DNM3: variants seen among roughly 807,000 people sequenced by gnomAD.
DNM3 encodes dynamin 3.
Under a neutral mutation model 101.6 loss-of-function variants are expected in DNM3, and 47 were observed. The observed-to-expected ratio is 0.46, with a 90% confidence interval of 0.37 to 0.59. The LOEUF is 0.59. Ranked by LOEUF, DNM3 falls within the 20% of genes least tolerant of loss-of-function variation. The pLI is 0.00. For synonymous variants in DNM3, 385 were observed against 387.9 expected (o/e 0.99, Z 0.09); for missense variants, 849 against 1,085.7 (o/e 0.78, Z 3.06).
At chr1:172,186,346 A>T (rs2059523406) in intron 14 of DNM3, among the ~76,000 whole-genome samples, 1 of 151,924 alleles carries the variant, frequency 6.6e-6, no homozygotes, top group Non-Finnish European at 1.5e-5. Flanking sequence ...AGGGTTTGGG[A>T]ATGTGGACTT....
At chr1:172,042,603 C>T (rs2049467389) in intron 8 of DNM3, among the ~76,000 whole-genome samples, 1 of 152,100 alleles carries the variant, frequency 6.6e-6, no homozygotes, top group Admixed American at 6.6e-5. Context: ...TCTGTCTGAG[C>T]AGGAGACATT....
Position 171,995,765 on chromosome 1 carries a change from G to A in DNM3, c.589+6617G>A, listed in dbSNP as rs138715143. 1.4e-4 allele frequency among the ~76,000 whole-genome samples: 22 copies of A among 152,188 alleles called. No homozygotes were observed. The East Asian group carries it at 4.2e-3, about 29-fold the overall frequency. ...TAATGTACATCTTTCCTGATATTTTGCCCTTGGCTAAGCAGGATGACCTAT... is the reference window on the plus strand; with the variant it reads ...TAATGTACATCTTTCCTGATATTTTACCCTTGGCTAAGCAGGATGACCTAT... On this transcript the variant is annotated intron_variant, in intron 4 of 20. Coordinates refer to ENST00000627582, the MANE Select transcript of DNM3 (RefSeq NM_015569.5).
At chr1:171,944,480 A>G (rs1342754068) in intron 2 of DNM3, among the ~76,000 whole-genome samples, 1 of 151,704 alleles carries the variant, frequency 6.6e-6, no homozygotes, top group Non-Finnish European at 1.5e-5. Flanking sequence ...GGCTCAAGCT[A>G]TCCTCCCACT....
At chr1:172,368,356 C>T (rs2068138630) in intron 17 of DNM3, among the ~76,000 whole-genome samples, 1 of 151,774 alleles carries the variant, frequency 6.6e-6, no homozygotes, top group South Asian at 2.1e-4. Flanking sequence ...GTAAATTAAA[C>T]AACATGCTCC....
intron 17 of DNM3, among the ~76,000 whole-genome samples, chr1:172,341,503 C>A (rs1243549642): frequency 1.3e-5 from 2 of 152,144 alleles, no homozygotes; most frequent in Non-Finnish European, 2.9e-5. Context: ...GGGCTACAGT[C>A]ATCAAAACGG....
At chr1:172,285,890 A>G (rs969905337) in intron 15 of DNM3, among the ~76,000 whole-genome samples, 3 of 152,100 alleles carry the variant, frequency 2.0e-5, no homozygotes, top group African/African-American at 7.2e-5. Context: ...TAGAGCTCGC[A>G]TCTAACTCCC....
At chr1:172,054,536 G>A (rs1175000388) in intron 10 of DNM3, among the ~76,000 whole-genome samples, 1 of 151,744 alleles carries the variant, frequency 6.6e-6, no homozygotes, top group African/African-American at 2.4e-5. Flanking sequence ...TTTAGCAACT[G>A]TGCCATTTAC....
chr1:172,104,306 C>A (rs977570450), intron 13 of DNM3, among the ~76,000 whole-genome samples: 4 of 151,706 alleles, frequency 2.6e-5, no homozygotes, highest in African/African-American at 9.7e-5. Flanking sequence ...CTTATATTTT[C>A]TTCCAATATT....
chr1:172,269,171 CA>C (rs1346068904), intron 15 of DNM3, among the ~76,000 whole-genome samples: 2 of 152,150 alleles, frequency 1.3e-5, no homozygotes, highest in African/African-American at 4.8e-5. Context: ...GGTTTCTGTC[CA>C]AAGACTGTGT....
At chr1:172,234,505 A>C (rs1223698870) in intron 14 of DNM3, among the ~76,000 whole-genome samples, 1 of 152,130 alleles carries the variant, frequency 6.6e-6, no homozygotes, top group Non-Finnish European at 1.5e-5. Flanking sequence ...GCTACCAATG[A>C]CTTTCTTCAC....
At position 172,044,408 on chromosome 1, in the gene DNM3, G is replaced by A. The variant is rs1378922783; in HGVS notation, c.1152G>A (p.Leu384=). 6.2e-7 allele frequency: 1 copy of A among 1,608,512 alleles called. No homozygotes were observed. The highest frequency in any genetic ancestry group is 1.7e-5 in the Admixed American group (1 of 59,414). Residue 384 remains leucine (L), a synonymous_variant, in exon 9 of 21, where the codon TTG becomes TTA. Coordinates refer to ENST00000627582, the MANE Select transcript of DNM3 (RefSeq NM_015569.5). ...AGATGGAGTTCAATGAGAAAGAATT[G>A]CGAAGAGAAATAAGCTATGCAATCA... The part of the protein sequence containing the change: ...IVKMEFNEKE[L]RREISYAIKN...
intron 1 of DNM3, among the ~76,000 whole-genome samples, chr1:171,873,370 C>T (rs1047094204): frequency 1.3e-4 from 20 of 152,076 alleles, no homozygotes; most frequent in Middle Eastern, 3.2e-3. Flanking sequence ...TTATTGAACA[C>T]CTACTGTGTG....
intron 2 of DNM3, among the ~76,000 whole-genome samples, chr1:171,983,243 C>T (rs140827860): frequency 3.3e-5 from 5 of 151,986 alleles, no homozygotes; most frequent in African/African-American, 9.7e-5. Flanking sequence ...TCACTTGAGG[C>T]CAAGAGGTCG....
intron 14 of DNM3, among the ~76,000 whole-genome samples, chr1:172,211,579 A>G (rs552861860): frequency 6.6e-6 from 1 of 152,256 alleles, no homozygotes; most frequent in East Asian, 1.9e-4. Flanking sequence ...TGCTTTTCTT[A>G]TGTTTTATTA....
chr1:172,125,194 T>A (rs2056555100), intron 13 of DNM3, among the ~76,000 whole-genome samples: 1 of 152,128 alleles, frequency 6.6e-6, no homozygotes. Flanking sequence ...GCATGGATTA[T>A]AACCTTTATC....
chr1:172,081,588 A>G (rs2053153458), intron 11 of DNM3, among the ~76,000 whole-genome samples: 1 of 152,200 alleles, frequency 6.6e-6, no homozygotes, highest in Admixed American at 6.5e-5. Context: ...GTGTATGCTT[A>G]TAAGTTATAA....
chr1:172,065,711 AGACGCTGGTGAT>A (rs1466456280), intron 10 of DNM3, among the ~76,000 whole-genome samples: 1 of 152,142 alleles, frequency 6.6e-6, no homozygotes, highest in Non-Finnish European at 1.5e-5. Flanking sequence ...GACCTCATGG[AGACGCTGGTGAT>A]GATTTTTGTG....
intron 1 of DNM3, among the ~76,000 whole-genome samples, chr1:171,868,313 A>G (rs981731562): frequency 6.6e-6 from 1 of 151,958 alleles, no homozygotes; most frequent in Non-Finnish European, 1.5e-5. Context: ...GAGGGTGACA[A>G]GAGGTGTCCT....
chr1:171,965,845 G>T (rs1302305209), intron 2 of DNM3, among the ~76,000 whole-genome samples: 1 of 152,192 alleles, frequency 6.6e-6, no homozygotes, highest in Non-Finnish European at 1.5e-5. Flanking sequence ...AGATTAGGGG[G>T]TAGGAGTGAG....
Sources: allele counts gnomAD v4.1 joint callset (sites outside exome capture counted in the v4.1 genomes callset), GRCh38; gene constraint gnomAD v4.1.1; transcripts MANE v1.5; gene names NCBI Gene and HGNC (gene_info 2026-07-23, HGNC 2026-07-21).